The following CWH43 variants were observed in gnomAD, a reference collection of about 807,000 sequenced individuals.
CWH43 encodes PGAP2-interacting protein.
CWH43 carries 91 observed loss-of-function variants against 85.7 expected under a neutral mutation model. That is an observed-to-expected ratio of 1.06 (90% CI 0.90 to 1.26). CWH43 has a LOEUF of 1.26. Ranked by LOEUF, CWH43 falls within the 50% of genes most tolerant of loss-of-function variation. The probability of loss-of-function intolerance (pLI) is 0.00; values close to 1 mark genes in which losing one functional copy is unlikely to be tolerated. For missense variants in CWH43, 869 were observed against 839.2 expected (o/e 1.04, Z -0.44); for synonymous variants, 323 against 293.6 (o/e 1.10, Z -1.02).
At chr4:48,987,757 C>T (rs140043046) in intron 1 of CWH43, among the ~76,000 whole-genome samples, 14 of 152,286 alleles carry the variant, frequency 9.2e-5, no homozygotes, top group Non-Finnish European at 1.5e-4. Flanking sequence ...CAACTTACTT[C>T]AGATCTGGGT....
chr4:49,032,464 T>C, intron 11 of CWH43, 102 bp from the exon 12 acceptor site: 1 of 1,291,156 alleles, frequency 7.7e-7, no homozygotes, highest in East Asian at 2.3e-5. Context: ...TGGTGGGATG[T>C]GTGCAGTGGG....
At chr4:48,991,727 A>T (rs1365157737) in intron 3 of CWH43, among the ~76,000 whole-genome samples, 153 bp downstream of exon 3, 1 of 152,204 alleles carries the variant, frequency 6.6e-6, no homozygotes, top group African/African-American at 2.4e-5. Context: ...CAAGGACATG[A>T]ATACTTGCCA....
At chr4:49,055,065 G>A (rs1784910506) in intron 15 of CWH43, among the ~76,000 whole-genome samples, 1 of 152,064 alleles carries the variant, frequency 6.6e-6, no homozygotes, top group Admixed American at 6.6e-5. Flanking sequence ...TGCTGAGAGT[G>A]GGCATCCTTC....
chr4:48,991,668 C>A, intron 3 of CWH43, 94 bp downstream of exon 3: 1 of 1,411,916 alleles, frequency 7.1e-7, no homozygotes, highest in Non-Finnish European at 9.7e-7. Context: ...ATAGTTTTTA[C>A]CTTCCATATG....
rs370267563 is a variant in CWH43, at chr4:49,038,119, A to G, written c.1742A>G (p.Tyr581Cys). The change falls in exon 13 of 16, where the codon TAT becomes TGT. Residue 581 changes from tyrosine to cysteine, a missense_variant. Tyr to Cys is a radical substitution (Grantham distance 194). Transcript: ENST00000226432. Reference sequence around the variant, plus strand: ...TCTAATCAAGTGATATTTCTGGGATATATCACTTCAGCACCTGGCTCCAGA... The same window carrying G: ...TCTAATCAAGTGATATTTCTGGGATGTATCACTTCAGCACCTGGCTCCAGA... ...SSSNQVIFLGYITSAPGSRDY... is the reference protein window; with the variant it reads ...SSSNQVIFLGCITSAPGSRDY... The G allele has an allele frequency of 1.3e-5, 21 of 1,612,722 alleles. No homozygotes were observed. The African/African-American group carries it at 2.4e-4, about 18-fold the overall frequency.
intron 8 of CWH43, among the ~76,000 whole-genome samples, chr4:49,009,775 T>A (rs1783293084): frequency 6.6e-6 from 1 of 152,134 alleles, no homozygotes; most frequent in Admixed American, 6.6e-5. Context: ...TGATGGATTA[T>A]GTTTATTGGC....
chr4:49,061,716 C>T (rs1785163318), intron 15 of CWH43, 96 bp from the exon 16 acceptor site: 4 of 1,030,068 alleles, frequency 3.9e-6, no homozygotes, highest in East Asian at 4.0e-5. Flanking sequence ...TATTCATTTG[C>T]TATTTTATTT....
intron 9 of CWH43, among the ~76,000 whole-genome samples, chr4:49,017,657 T>C (rs1577677070): frequency 6.6e-6 from 1 of 152,142 alleles, no homozygotes; most frequent in East Asian, 1.9e-4. Context: ...GACCGGGTAA[T>C]TTATAAAGAA....
chr4:48,986,453 C>T lies in CWH43; in HGVS notation c.24C>T (p.Ile8=), dbSNP rs1438116743. ...CGATGCCCTCGCTGTGGAGAGAAAT[C>T]CTCTTGGAGTCGCTGCTGGGTAAGC... The part of the protein sequence containing the change: MPSLWRE[I]LLESLLGCVS... The change falls in exon 1 of 16, where the codon ATC becomes ATT. Residue 8 remains isoleucine (I), a synonymous_variant. Coordinates refer to ENST00000226432, the MANE Select transcript of CWH43 (RefSeq NM_025087.3). 2.6e-6 allele frequency: 4 copies of T among 1,551,056 alleles called. No individual in the cohort carries two copies. Among genetic ancestry groups the T allele is most frequent in the Non-Finnish European group, 3.5e-6 (4 of 1,144,464 alleles).
intron 8 of CWH43, among the ~76,000 whole-genome samples, chr4:49,014,492 CTATT>C (rs1289866304): frequency 6.7e-6 from 1 of 150,372 alleles, no homozygotes; most frequent in Non-Finnish European, 1.5e-5. Context: ...AGAAAAGATT[CTATT>C]TAAACTTAGG....
At chr4:48,987,302 C>A (rs1782526500) in intron 1 of CWH43, among the ~76,000 whole-genome samples, 1 of 152,006 alleles carries the variant, frequency 6.6e-6, no homozygotes, top group South Asian at 2.1e-4. Context: ...ACCTCAGGTG[C>A]TAGGTACTCA....
chr4:49,053,588 T>C (rs112568314), intron 15 of CWH43, among the ~76,000 whole-genome samples: 1 of 152,188 alleles, frequency 6.6e-6, no homozygotes, highest in East Asian at 1.9e-4. Flanking sequence ...GATGTCTTCT[T>C]TTGAGAAATA....
intron 15 of CWH43, among the ~76,000 whole-genome samples, chr4:49,055,911 TTC>T (rs1275210816): frequency 1.1e-5 from 1 of 92,762 alleles, no homozygotes; most frequent in East Asian, 2.3e-4. Context: ...TTTTCTTTTT[TTC>T]TTTTTTTTTT....
intron 12 of CWH43, 41 bp downstream of exon 12, chr4:49,032,756 G>T (rs376522634): frequency 1.9e-6 from 3 of 1,605,042 alleles, no homozygotes; most frequent in African/African-American, 2.7e-5. Flanking sequence ...CAAATGCCAA[G>T]AAATGTTATT....
intron 15 of CWH43, among the ~76,000 whole-genome samples, chr4:49,061,366 A>C (rs1036852402): frequency 1.3e-5 from 2 of 152,216 alleles, no homozygotes; most frequent in African/African-American, 4.8e-5. Flanking sequence ...TTTGTATTCT[A>C]TCATATCAAC....
intron 4 of CWH43, among the ~76,000 whole-genome samples, chr4:48,993,490 C>A (rs924608779): frequency 6.6e-6 from 1 of 152,118 alleles, no homozygotes. Context: ...ACTGTCAGAC[C>A]CTAAGACCTT....
At chr4:49,033,643 A>G (rs190796717) in intron 12 of CWH43, among the ~76,000 whole-genome samples, 6 of 152,338 alleles carry the variant, frequency 3.9e-5, no homozygotes, top group Admixed American at 3.3e-4. Context: ...TCTACACGCA[A>G]CATGAAGAGT....
At chr4:48,989,762 A>G (rs1157619525) in intron 2 of CWH43, among the ~76,000 whole-genome samples, 1 of 152,214 alleles carries the variant, frequency 6.6e-6, no homozygotes, top group Non-Finnish European at 1.5e-5. Flanking sequence ...GCTCAGAAGG[A>G]TAGTGGTAAA....
In CWH43 at chr4:49,028,638, A is replaced by G. The variant is rs1783994824; in HGVS notation, c.1276A>G (p.Lys426Glu). 1 of 1,613,162 alleles carries G rather than the reference A, an allele frequency of 6.2e-7. No individual in the cohort carries two copies. Among genetic ancestry groups the G allele is most frequent in the Non-Finnish European group, 8.5e-7 (1 of 1,179,418 alleles). The change falls in exon 10 of 16, where the codon AAA becomes GAA. Residue 426 changes from lysine to glutamate, a missense_variant. Physicochemically the swap from Lys to Glu is moderately conservative, Grantham distance 56 (BLOSUM62 1). Coordinates refer to ENST00000226432, the MANE Select transcript of CWH43 (RefSeq NM_025087.3). The stretch of plus-strand genomic sequence containing the variant: ...TAAAACAATTCCTCAGGCACCAACC[A>G]AAGAGGTCTCTGCTGCCATCTGGCC... ...ERKLGKVAPT[K>E]EVSAAIWPFR... is the part of the protein sequence containing the mutation.
Sources: allele counts gnomAD v4.1 joint callset (sites outside exome capture counted in the v4.1 genomes callset), GRCh38; gene constraint gnomAD v4.1.1; transcripts MANE v1.5; gene names NCBI Gene and HGNC (gene_info 2026-07-23, HGNC 2026-07-21).